TTC14: variants seen among roughly 807,000 people sequenced by gnomAD.
The protein encoded by TTC14 is tetratricopeptide repeat domain 14, also known as tetratricopeptide repeat protein 14.
In TTC14, 63 loss-of-function variants were observed where a neutral mutation model predicts 79.9. The ratio of observed to expected loss-of-function variants is 0.79; its 90% CI spans 0.64 to 0.97. The LOEUF (loss-of-function observed/expected upper bound fraction) is 0.97, where lower values mean the gene tolerates loss of function less well. Ranked by LOEUF, TTC14 falls within the 50% of genes least tolerant of loss-of-function variation. TTC14 has a pLI of 0.00. For missense variants in TTC14, 895 were observed against 894.0 expected, an observed-to-expected ratio of 1.00 and a Z score of -0.01; for synonymous variants, 335 against 309.6, an observed-to-expected ratio of 1.08 and a Z score of -0.86.
chr3:180,603,880 G>T, intron 3 of TTC14: 1 of 281,104 alleles, frequency 3.6e-6, no homozygotes, highest in South Asian at 4.1e-5. Context: ...TTGGATAACA[G>T]ACAAAATACT....
At position 180,609,768 on chromosome 3, in the gene TTC14, T is replaced by TC. The variant is rs766673839; in HGVS notation, c.1540dup (p.Arg514ProfsTer9). ...ATAAGAGGAACCGTTCAGAGTCTTCTCGCAGTTCCAGAAGGCATTCATCTA... is the reference window on the plus strand; with the variant it reads ...ATAAGAGGAACCGTTCAGAGTCTTCTCCGCAGTTCCAGAAGGCATTCATCTA... On this transcript the variant is annotated frameshift_variant, in exon 12 of 12. Transcript: ENST00000296015. LOFTEE classifies it high-confidence loss of function. 3 of 1,613,892 alleles carry TC rather than the reference T, an allele frequency of 1.9e-6. No individual in the cohort carries two copies. In the African/African-American group the frequency reaches 4.0e-5, roughly 22 times the overall value.
At chr3:180,605,869 T>C (rs975043005) in intron 7 of TTC14, 32 bp downstream of exon 7, 7 of 1,564,976 alleles carry the variant, frequency 4.5e-6, no homozygotes, top group Non-Finnish European at 6.0e-6. Flanking sequence ...AATTGCATTA[T>C]ATCTAGTCTA....
At chr3:180,611,946 G>A (rs991836114), downstream of TTC14, among the ~76,000 whole-genome samples, 4 of 152,166 alleles carry the variant, frequency 2.6e-5, no homozygotes, top group Non-Finnish European at 4.4e-5. Flanking sequence ...CTCCAGTAAT[G>A]AGAGCCTAGT....
intron 3 of TTC14, 29 bp from the exon 4 acceptor site, chr3:180,604,196 C>A: frequency 6.3e-7 from 1 of 1,576,630 alleles, no homozygotes; most frequent in East Asian, 2.2e-5. Flanking sequence ...CTTGAAATGT[C>A]TGGTGTTTTA....
In TTC14 at chr3:180,603,034, T is replaced by C; in HGVS notation, c.286+19T>C. ...AGTGAAGGTCAGTTTAGCCTTAAAA[T>C]CTTTAAGATTGCGGTTCGGTTTAAC... On this transcript the variant is annotated intron_variant, in intron 2 of 11. Transcript: ENST00000296015. 1 of 1,610,138 alleles carries C rather than the reference T, an allele frequency of 6.2e-7. No individual in the cohort carries two copies. The highest frequency in any genetic ancestry group is 8.5e-7 in the Non-Finnish European group (1 of 1,178,748).
At position 180,610,562 on chromosome 3, in the gene TTC14, C is replaced by G; in HGVS notation, c.*20C>G. On this transcript the variant is annotated 3_prime_UTR_variant, in exon 12 of 12. Coordinates refer to ENST00000296015, the MANE Select transcript of TTC14 (RefSeq NM_133462.4). ...AATTAATACACCAAGGATATCGGCA[C>G]CATTACACAAAATGCCATTAAGTGA... The G allele has an allele frequency of 6.5e-7, 1 of 1,533,352 alleles. No individual in the cohort carries two copies. The highest frequency in any genetic ancestry group is 8.7e-7 in the Non-Finnish European group (1 of 1,148,408). The allele number at this position is 1,533,352 out of a possible 1,614,324, so 95.0% of individuals were successfully genotyped here.
chr3:180,616,128 A>G (rs1717226786), downstream of TTC14, among the ~76,000 whole-genome samples: 1 of 152,206 alleles, frequency 6.6e-6, no homozygotes, highest in Non-Finnish European at 1.5e-5. Flanking sequence ...TCTAATCTAT[A>G]TGATGCTGAC....
intron 12 of TTC14, chr3:180,616,498 T>G: frequency 6.6e-7 from 1 of 1,515,244 alleles, no homozygotes; most frequent in Non-Finnish European, 8.8e-7. Context: ...AAATATTTAA[T>G]AGAAGGTGCT....
chr3:180,603,561 C>A, intron 3 of TTC14: 1 of 496,254 alleles, frequency 2.0e-6, no homozygotes, highest in South Asian at 2.1e-5. Flanking sequence ...GTGTTCTTTT[C>A]TAAATGCTCA....
At chr3:180,606,960 T>C (rs145418120) in intron 9 of TTC14, among the ~76,000 whole-genome samples, 1 of 152,290 alleles carries the variant, frequency 6.6e-6, no homozygotes, top group African/African-American at 2.4e-5. Context: ...TATGTGGTTG[T>C]CTTATAGCCT....
At chr3:180,617,194 T>C (rs556781040) in intron 12 of TTC14, among the ~76,000 whole-genome samples, 2 of 152,162 alleles carry the variant, frequency 1.3e-5, no homozygotes, top group Non-Finnish European at 2.9e-5. Flanking sequence ...CCTAGCGACA[T>C]TGTAATGTGG....
In TTC14 at chr3:180,610,666, CAA is replaced by C. The variant is rs1716954397; in HGVS notation, c.*126_*127del. The C allele has an allele frequency of 4.2e-6, 6 of 1,437,624 alleles. No individual in the cohort carries two copies. In the Admixed American group the frequency reaches 8.9e-5, roughly 21 times the overall value. The allele number at this position is 1,437,624 out of a possible 1,614,324, so 89.1% of individuals were successfully genotyped here. ...AATTATTTGTAGAGATTACAGGAAACAAATGCTTTTAAGTAAGTTTTTCTCAA... is the reference window on the plus strand; with the variant it reads ...AATTATTTGTAGAGATTACAGGAAACATGCTTTTAAGTAAGTTTTTCTCAA... On this transcript the variant is annotated 3_prime_UTR_variant, in exon 12 of 12. Coordinates refer to ENST00000296015, the MANE Select transcript of TTC14 (RefSeq NM_133462.4).
downstream of TTC14, chr3:180,613,809 C>A: frequency 8.8e-6 from 4 of 453,896 alleles, no homozygotes. Flanking sequence ...AATTTTATTA[C>A]CTACCTTTTT....
At chr3:180,605,988 CTTACATT>C (rs1716661759) in intron 7 of TTC14, 151 bp downstream of exon 7, 1 of 889,752 alleles carries the variant, frequency 1.1e-6, no homozygotes, top group Non-Finnish European at 1.7e-6. Context: ...TGTAAGTAGT[CTTACATT>C]TTACACTTAA....
Position 180,616,528 on chromosome 3 carries a change from T to C in TTC14, c.1775-852T>C. 6.4e-7 allele frequency: 1 copy of C among 1,552,802 alleles called. No individual in the cohort carries two copies. Among genetic ancestry groups the C allele is most frequent in the Non-Finnish European group, 8.7e-7 (1 of 1,151,474 alleles). On this transcript the variant is annotated intron_variant, in intron 12 of 12. Transcript: ENST00000382584. ...GGTGCTGTATTACCTGTTGAAAGTA[T>C]GTTTGAAGGATAATACGGATCTCAG...
In TTC14 at chr3:180,610,362, A is replaced by G; in HGVS notation, c.2133A>G (p.Glu711=). The stretch of plus-strand genomic sequence containing the variant: ...ACCGTTTAAATACAAATCAAGGAGA[A>G]TATGAAAGAGAGGACAATTATGGGG... ...QRYRLNTNQG[E]YEREDNYGED... is the part of the protein sequence containing the mutation. The change falls in exon 12 of 12, where the codon GAA becomes GAG. Residue 711 remains glutamate (E), a synonymous_variant. Transcript: ENST00000296015. 6.2e-7 allele frequency: 1 copy of G among 1,613,672 alleles called. No homozygotes were observed. Among genetic ancestry groups the G allele is most frequent in the Non-Finnish European group, 8.5e-7 (1 of 1,179,840 alleles).
chr3:180,607,655 G>A lies in TTC14; in HGVS notation c.1180G>A (p.Glu394Lys). ...TLVERGGQLE[E>K]EEKFLNAESY... ...TCTTTCTTTCAAATTTAGGTTAGAA[G>A]AAGAAGAAAAGTTTTTAAATGCTGA... is the stretch of plus-strand genomic sequence containing the variant. Residue 394 changes from glutamate (E) to lysine (K), a missense_variant, in exon 10 of 12, where the codon GAA becomes AAA. Transcript: ENST00000296015. The A allele has an allele frequency of 6.3e-7, 1 of 1,598,470 alleles. No homozygotes were observed. The highest frequency in any genetic ancestry group is 8.5e-7 in the Non-Finnish European group (1 of 1,175,282).
rs568858676 is a variant in TTC14 at position 180,610,839 on chromosome 3, C to T, written c.*297C>T. ...AAAGTACTGTTTCTTCATTCTATTGCGGTATATGAGAATTCCTGGGTGCAT... is the reference window on the plus strand; with the variant it reads ...AAAGTACTGTTTCTTCATTCTATTGTGGTATATGAGAATTCCTGGGTGCAT... On this transcript the variant is annotated 3_prime_UTR_variant, in exon 12 of 12. Coordinates refer to ENST00000296015, the MANE Select transcript of TTC14 (RefSeq NM_133462.4). The T allele has an allele frequency of 9.1e-5, 91 of 1,003,054 alleles. No individual in the cohort carries two copies. The highest frequency in any genetic ancestry group is 7.3e-4 in the Admixed American group (13 of 17,844). 62.1% of individuals were successfully genotyped at this position (1,003,054 alleles called of 1,614,324 possible).
chr3:180,608,680 T>C (rs1266484540), intron 10 of TTC14, 21 bp from the exon 11 acceptor site: 8 of 1,495,470 alleles, frequency 5.3e-6, no homozygotes, highest in African/African-American at 1.4e-5. Flanking sequence ...GTGGTTTTTT[T>C]CGATATCTGG....
Sources: gnomAD v4.1 joint callset for allele counts (sites outside exome capture counted in the v4.1 genomes callset) on GRCh38, gnomAD v4.1.1 for gene constraint, MANE v1.5 for transcripts, NCBI Gene and HGNC (gene_info 2026-07-23, HGNC 2026-07-21) for gene names.